EPSTI1: variants seen among roughly 807,000 people sequenced by gnomAD.
EPSTI1 encodes the protein epithelial-stromal interaction protein 1.
EPSTI1 carries 66 observed loss-of-function variants against 49.9 expected under a neutral mutation model. The observed-to-expected ratio is 1.32, with a 90% CI of 1.08 to 1.62. EPSTI1 has a LOEUF of 1.62. Among genes scored for constraint, EPSTI1 ranks in the 40% most tolerant of loss-of-function variants. The pLI is 0.00. For missense variants in EPSTI1, 394 were observed against 365.5 expected, an observed-to-expected ratio of 1.08 and a Z score of -0.64; for synonymous variants, 137 against 130.7, an observed-to-expected ratio of 1.05 and a Z score of -0.33.
chr13:42,905,401 G>A (rs950442808), intron 8 of EPSTI1, among the ~76,000 whole-genome samples: 2 of 152,144 alleles, frequency 1.3e-5, no homozygotes, highest in Non-Finnish European at 1.5e-5. Flanking sequence ...TCCGTACTAA[G>A]AAGGATAATT....
chr13:42,931,020 G>T (rs1434299125), intron 6 of EPSTI1, among the ~76,000 whole-genome samples: 1 of 152,156 alleles, frequency 6.6e-6, no homozygotes, highest in African/African-American at 2.4e-5. Context: ...GCATACATCT[G>T]CATTCTGGCC....
chr13:42,909,756 G>T (rs1333275427), intron 8 of EPSTI1, among the ~76,000 whole-genome samples: 4 of 152,082 alleles, frequency 2.6e-5, no homozygotes, highest in Non-Finnish European at 5.9e-5. Context: ...GTAGAATCAT[G>T]GTTACCAGAG....
At chr13:42,961,910 G>A (rs1417460266) in intron 5 of EPSTI1, among the ~76,000 whole-genome samples, 1 of 152,160 alleles carries the variant, frequency 6.6e-6, no homozygotes, top group Non-Finnish European at 1.5e-5. Flanking sequence ...CCATGTGTGT[G>A]TTTGCTGTGC....
At chr13:42,957,969 A>C (rs2039324974) in intron 5 of EPSTI1, among the ~76,000 whole-genome samples, 1 of 152,180 alleles carries the variant, frequency 6.6e-6, no homozygotes, top group Non-Finnish European at 1.5e-5. Flanking sequence ...CTGGGGTTTC[A>C]CCATCTTGCC....
chr13:42,979,588 AAAAAAAAAAAAAAAG>A (rs947900869), intron 1 of EPSTI1, among the ~76,000 whole-genome samples: 14 of 87,034 alleles, frequency 1.6e-4, no homozygotes, highest in African/African-American at 2.9e-4. Flanking sequence ...CCGTCTCAAA[AAAAAAAAAAAAAAAG>A]AAAAGAAAAG....
chr13:42,899,942 G>T (rs1194259099), intron 9 of EPSTI1, among the ~76,000 whole-genome samples: 1 of 152,062 alleles, frequency 6.6e-6, no homozygotes, highest in African/African-American at 2.4e-5. Flanking sequence ...CATCTATATT[G>T]ATCTAAGTGT....
At chr13:42,920,963 A>G (rs1043803110) in intron 7 of EPSTI1, among the ~76,000 whole-genome samples, 2 of 152,196 alleles carry the variant, frequency 1.3e-5, no homozygotes, top group African/African-American at 4.8e-5. Flanking sequence ...TTTAGAAGAT[A>G]AAGTCAAGAA....
chr13:42,965,038 G>T (rs2039565930), intron 3 of EPSTI1, among the ~76,000 whole-genome samples: 1 of 152,200 alleles, frequency 6.6e-6, no homozygotes, highest in Non-Finnish European at 1.5e-5. Context: ...TTTCTTCTGA[G>T]ATCTGAAAGA....
chr13:42,979,541 C>T (rs1232466753), intron 1 of EPSTI1, among the ~76,000 whole-genome samples: 3 of 143,712 alleles, frequency 2.1e-5, no homozygotes, highest in African/African-American at 7.8e-5. Flanking sequence ...GCCGATATCG[C>T]GCCGCTGGAC....
At chr13:42,928,973 A>G (rs1774262527) in intron 6 of EPSTI1, among the ~76,000 whole-genome samples, 1 of 152,242 alleles carries the variant, frequency 6.6e-6, no homozygotes. Context: ...AGTCTCTATC[A>G]GTTTTGGTTC....
intron 7 of EPSTI1, among the ~76,000 whole-genome samples, chr13:42,926,026 T>TGGGA (rs2038160438): frequency 1.4e-5 from 2 of 142,736 alleles, no homozygotes; most frequent in East Asian, 2.1e-4. Context: ...GATGCATGGA[T>TGGGA]GGAAGGAAGG....
At chr13:42,949,638 G>T (rs1234275991) in intron 6 of EPSTI1, among the ~76,000 whole-genome samples, 1 of 149,988 alleles carries the variant, frequency 6.7e-6, no homozygotes, top group Non-Finnish European at 1.5e-5. Context: ...TTCTTTTTTG[G>T]TCATCAAGTG....
At position 42,963,245 on chromosome 13, in the gene EPSTI1, T is replaced by G. The variant is rs1473686394; in HGVS notation, c.489+10A>C. The G allele has an allele frequency of 6.2e-7, 1 of 1,607,748 alleles. No homozygotes were observed. Among genetic ancestry groups the G allele is most frequent in the East Asian group, 2.2e-5 (1 of 44,812 alleles). ...ATCAGCAAATGTGAACTAATCCTCC[T>G]CCTCCTTACCTTCTCTCTCTGAATT... On this transcript the variant is annotated intron_variant, in intron 5 of 10. Transcript: ENST00000313624.
chr13:42,921,421 A>G (rs1462190244), intron 7 of EPSTI1, among the ~76,000 whole-genome samples: 1 of 152,224 alleles, frequency 6.6e-6, no homozygotes, highest in East Asian at 1.9e-4. Flanking sequence ...GAATAAAGAT[A>G]GTTTCAGACA....
At chr13:42,928,041 G>A (rs983011089) in intron 6 of EPSTI1, among the ~76,000 whole-genome samples, 4 of 152,148 alleles carry the variant, frequency 2.6e-5, no homozygotes, top group Non-Finnish European at 5.9e-5. Context: ...ACCTGCCAAC[G>A]CCAAGCACAA....
Position 42,913,305 on chromosome 13 carries a change from A to G in EPSTI1, c.741+4236T>C, listed in dbSNP as rs111788914. ...GAAAACCAGACATTTCTTTCCACTC[A>G]AAATCTACTTTAAACAATGACACAG... is the stretch of plus-strand genomic sequence containing the variant. On this transcript the variant is annotated intron_variant, in intron 8 of 10. Transcript: ENST00000313624. 4.0e-3 allele frequency among the ~76,000 whole-genome samples: 608 copies of G among 152,314 alleles called. 2 individuals carry two copies. Among genetic ancestry groups the G allele is most frequent in the African/African-American group, 0.014 (572 of 41,580 alleles).
At chr13:42,964,746 G>T (rs1404217977) in intron 3 of EPSTI1, among the ~76,000 whole-genome samples, 1 of 152,158 alleles carries the variant, frequency 6.6e-6, no homozygotes, top group Non-Finnish European at 1.5e-5. Context: ...ATAAAAATAT[G>T]GATGTTAGAT....
chr13:42,917,270 C>T (rs951083292), intron 8 of EPSTI1, among the ~76,000 whole-genome samples: 1 of 152,072 alleles, frequency 6.6e-6, no homozygotes, highest in East Asian at 1.9e-4. Context: ...AGAAGTTCAC[C>T]AGTGCTCTAT....
intron 8 of EPSTI1, among the ~76,000 whole-genome samples, chr13:42,915,483 G>A (rs1407518679): frequency 6.6e-6 from 1 of 152,172 alleles, no homozygotes; most frequent in Non-Finnish European, 1.5e-5. Context: ...AGTGAGCCAA[G>A]ATCATGCCAC....
Sources: allele counts gnomAD v4.1 joint callset (sites outside exome capture counted in the v4.1 genomes callset), GRCh38; gene constraint gnomAD v4.1.1; transcripts MANE v1.5; gene names NCBI Gene and HGNC (gene_info 2026-07-23, HGNC 2026-07-21).